The following MAP2K4 variants were observed in gnomAD, a reference collection of about 807,000 sequenced individuals.
MAP2K4 encodes the protein mitogen-activated protein kinase kinase 4, also known as dual specificity mitogen-activated protein kinase kinase 4.
A neutral mutation model predicts 48.5 loss-of-function variants in MAP2K4; 4 were observed. The observed-to-expected ratio is 0.08, with a 90% CI of 0.04 to 0.19. The LOEUF (loss-of-function observed/expected upper bound fraction) is 0.19. MAP2K4 is among the 10% of genes least tolerant of loss of function. MAP2K4 has a pLI of 1.00. For missense variants in MAP2K4, 258 were observed against 493.3 expected, an observed-to-expected ratio of 0.52 and a Z score of 4.52; for synonymous variants, 166 against 173.1, an observed-to-expected ratio of 0.96 and a Z score of 0.32.
At chr17:12,111,974 G>A (rs1050932450) in intron 6 of MAP2K4, among the ~76,000 whole-genome samples, 1 of 152,152 alleles carries the variant, frequency 6.6e-6, no homozygotes, top group Non-Finnish European at 1.5e-5. Flanking sequence ...AGCTCTGTAG[G>A]GAGTATGGAA....
At chr17:12,130,114 T>C (rs1015938926) in intron 9 of MAP2K4, among the ~76,000 whole-genome samples, 1 of 152,180 alleles carries the variant, frequency 6.6e-6, no homozygotes, top group East Asian at 1.9e-4. Flanking sequence ...CATAATTTTT[T>C]CCTGCTAAGA....
chr17:12,141,140 C>G lies in MAP2K4; in HGVS notation c.1087-7C>G, dbSNP rs200456032. 6.3e-7 allele frequency: 1 copy of G among 1,583,122 alleles called. No individual in the cohort carries two copies. Among genetic ancestry groups the G allele is most frequent in the Non-Finnish European group, 8.7e-7 (1 of 1,152,198 alleles). On this transcript the variant is annotated splice_polypyrimidine_tract_variant and splice_region_variant and intron_variant, in intron 10 of 10. Transcript: ENST00000353533. ...TTTTGACTTTTTTGTTTTCAATTTT[C>G]TTGCAGAAACATCCCTTTATTTTGA...
chr17:12,055,631 T>A (rs1254537903), intron 2 of MAP2K4, among the ~76,000 whole-genome samples: 3 of 151,972 alleles, frequency 2.0e-5, no homozygotes, highest in East Asian at 1.9e-4. Flanking sequence ...CATTTTTTTT[T>A]AAGTAATTTC....
chr17:12,095,432 A>G, intron 3 of MAP2K4, 143 bp from the exon 4 acceptor site: 1 of 832,892 alleles, frequency 1.2e-6, no homozygotes, highest in East Asian at 2.7e-5. Flanking sequence ...ATAAGGAAAG[A>G]TGATAATTTT....
intron 1 of MAP2K4, among the ~76,000 whole-genome samples, chr17:12,041,317 A>G (rs1969773332): frequency 6.6e-6 from 1 of 152,250 alleles, no homozygotes; most frequent in African/African-American, 2.4e-5. Flanking sequence ...TTTGTGTGGA[A>G]GATGCCTGCT....
intron 2 of MAP2K4, among the ~76,000 whole-genome samples, chr17:12,075,282 A>G (rs1970964885): frequency 6.6e-6 from 1 of 152,222 alleles, no homozygotes; most frequent in South Asian, 2.1e-4. Context: ...AGACATAACT[A>G]GGGACCTGAA....
chr17:12,109,241 T>C (rs1972225845), intron 5 of MAP2K4, among the ~76,000 whole-genome samples: 1 of 152,076 alleles, frequency 6.6e-6, no homozygotes, highest in African/African-American at 2.4e-5. Flanking sequence ...ACCATGAAAT[T>C]AGAAAACAGA....
chr17:12,100,442 A>T (rs1971901949), intron 4 of MAP2K4, among the ~76,000 whole-genome samples: 2 of 152,076 alleles, frequency 1.3e-5, no homozygotes, highest in Admixed American at 6.5e-5. Flanking sequence ...ATGCAGATCT[A>T]TCAGTTTGTT....
At chr17:12,131,951 A>G (rs559981878) in intron 9 of MAP2K4, among the ~76,000 whole-genome samples, 3 of 152,372 alleles carry the variant, frequency 2.0e-5, no homozygotes, top group African/African-American at 7.2e-5. Flanking sequence ...ATGATATTCA[A>G]GAGGCCAGTA....
chr17:12,135,065 G>T (rs574713890), intron 9 of MAP2K4, among the ~76,000 whole-genome samples: 120 of 152,056 alleles, frequency 7.9e-4, no homozygotes, highest in African/African-American at 2.8e-3. Context: ...ACTACACCTG[G>T]CTAATTTTTG....
At chr17:12,076,277 TTC>T (rs1260317365) in intron 2 of MAP2K4, among the ~76,000 whole-genome samples, 1 of 90,474 alleles carries the variant, frequency 1.1e-5, no homozygotes, top group Non-Finnish European at 2.5e-5. Flanking sequence ...TATGTCACAG[TTC>T]TGTGTGTGTG....
chr17:12,062,113 A>G (rs1053595277), intron 2 of MAP2K4, among the ~76,000 whole-genome samples: 3 of 129,572 alleles, frequency 2.3e-5, no homozygotes, highest in African/African-American at 8.8e-5. Context: ...CTCTTGCTTT[A>G]ATCTGGAGTG....
chr17:12,075,164 C>A (rs926788429), intron 2 of MAP2K4, among the ~76,000 whole-genome samples: 7 of 152,082 alleles, frequency 4.6e-5, no homozygotes, highest in Non-Finnish European at 2.9e-5. Context: ...ATTGTTAATA[C>A]AGTGAAAGAA....
At chr17:12,032,478 T>G (rs1969471116) in intron 1 of MAP2K4, among the ~76,000 whole-genome samples, 1 of 149,592 alleles carries the variant, frequency 6.7e-6, no homozygotes, top group East Asian at 1.9e-4. Context: ...TAAATTGTAC[T>G]TTTTTCACTT....
At chr17:12,023,816 C>G (rs955065697) in intron 1 of MAP2K4, among the ~76,000 whole-genome samples, 1 of 152,160 alleles carries the variant, frequency 6.6e-6, no homozygotes, top group Non-Finnish European at 1.5e-5. Flanking sequence ...TGAACTTGGC[C>G]TTTCGAAGCC....
At position 12,141,257 on chromosome 17, in the gene MAP2K4, T is replaced by C. The variant is rs772790726; in HGVS notation, c.1197T>C (p.Asp399=). The C allele has an allele frequency of 3.7e-6, 6 of 1,604,528 alleles. No homozygotes were observed. The Admixed American group carries it at 5.0e-5, about 13-fold the overall frequency. Residue 399 remains aspartate, a synonymous_variant, in exon 11 of 11, where the codon GAT becomes GAC. Transcript: ENST00000353533. ...CTCCCAGCTCTCCCATGTATGTCGA[T>C]TGATATCGCTGCTACATCAGACTCT... is the stretch of plus-strand genomic sequence containing the variant. The part of the protein sequence containing the change: ...PATPSSPMYV[D]
chr17:12,062,777 C>CT (rs1394821526), intron 2 of MAP2K4, among the ~76,000 whole-genome samples: 14 of 152,162 alleles, frequency 9.2e-5, no homozygotes, highest in Non-Finnish European at 1.8e-4. Context: ...TTAGATGTGA[C>CT]TTTGATTCCT....
At chr17:12,030,720 T>C (rs886273138) in intron 1 of MAP2K4, among the ~76,000 whole-genome samples, 14 of 152,364 alleles carry the variant, frequency 9.2e-5, no homozygotes, top group Admixed American at 5.2e-4. Context: ...TTTGTTTTCT[T>C]GCTCCTTTCG....
chr17:12,103,308 AAGC>A (rs936393896), intron 4 of MAP2K4, among the ~76,000 whole-genome samples: 18 of 151,724 alleles, frequency 1.2e-4, no homozygotes, highest in Admixed American at 2.6e-4. Flanking sequence ...TGGCCCCCTA[AAGC>A]ATTGGAATTA....
Sources: allele counts gnomAD v4.1 joint callset (sites outside exome capture counted in the v4.1 genomes callset), GRCh38; gene constraint gnomAD v4.1.1; transcripts MANE v1.5; gene names NCBI Gene and HGNC (gene_info 2026-07-23, HGNC 2026-07-21).